DSCAM: variants seen among roughly 807,000 people sequenced by gnomAD.
The protein encoded by DSCAM is DS cell adhesion molecule, also known as cell adhesion molecule DSCAM.
A neutral mutation model predicts 217.7 loss-of-function variants in DSCAM; 47 were observed. The ratio of observed to expected loss-of-function variants is 0.22; its 90% CI spans 0.17 to 0.28. DSCAM has a LOEUF of 0.28. Among genes scored for constraint, DSCAM ranks in the 10% least tolerant of loss-of-function variants. The probability of loss-of-function intolerance (pLI) is 1.00; values close to 1 mark genes in which losing one functional copy is unlikely to be tolerated. For synonymous variants in DSCAM, 1,056 were observed against 1,015.3 expected (o/e 1.04, Z -0.76); for missense variants, 2,080 against 2,618.3 (o/e 0.79, Z 4.49).
At chr21:40,402,970 C>T (rs896131299) in intron 3 of DSCAM, among the ~76,000 whole-genome samples, 13 of 90,114 alleles carry the variant, frequency 1.4e-4, no homozygotes, top group Non-Finnish European at 2.7e-4. Context: ...CAAGATTATA[C>T]CCCCCCACCC....
intron 18 of DSCAM, among the ~76,000 whole-genome samples, chr21:40,138,461 G>C (rs2090240982): frequency 6.7e-6 from 1 of 148,598 alleles, no homozygotes; most frequent in African/African-American, 2.5e-5. Context: ...TGTATGTGTG[G>C]TGTAGTGTGT....
intron 3 of DSCAM, among the ~76,000 whole-genome samples, chr21:40,461,586 C>A (rs1413523373): frequency 6.6e-6 from 1 of 152,064 alleles, no homozygotes; most frequent in African/African-American, 2.4e-5. Flanking sequence ...ATGTCCCAAT[C>A]CCCCCACAAA....
intron 1 of DSCAM, among the ~76,000 whole-genome samples, chr21:40,804,066 GTC>G (rs3071034): frequency 0.22 from 32,835 of 151,940 alleles, 4,705 homozygotes; most frequent in African/African-American, 0.41. Flanking sequence ...TCAGCACCAA[GTC>G]TGTAAACACT....
At chr21:40,748,627 AAAT>A (rs2091197853) in intron 1 of DSCAM, among the ~76,000 whole-genome samples, 1 of 152,210 alleles carries the variant, frequency 6.6e-6, no homozygotes, top group Admixed American at 6.5e-5. Flanking sequence ...TCATGGACTG[AAAT>A]AATGTTTAAA....
chr21:40,683,090 A>T (rs1054644408), intron 3 of DSCAM, among the ~76,000 whole-genome samples: 2 of 152,210 alleles, frequency 1.3e-5, no homozygotes, highest in African/African-American at 2.4e-5. Context: ...CCATGCTGGC[A>T]GCCTGATCTC....
intron 18 of DSCAM, among the ~76,000 whole-genome samples, chr21:40,140,135 C>T (rs947633409): frequency 4.6e-5 from 7 of 151,998 alleles, no homozygotes; most frequent in Admixed American, 1.3e-4. Flanking sequence ...CCAGTAGCCC[C>T]GTGAACTGAC....
At position 40,773,164 on chromosome 21, in the gene DSCAM, G is replaced by A. The variant is rs1462303738; in HGVS notation, c.44-64393C>T. Among the ~76,000 whole-genome samples the A allele has an allele frequency of 2.6e-5, 4 of 152,254 alleles. No individual in the cohort carries two copies. The East Asian group carries it at 5.8e-4, about 22-fold the overall frequency. ...CCAATCCTTCATCAGTCCCTCGCAC[G>A]AGAACCCCCTTCTCAGGTTCTACTT... On this transcript the variant is annotated intron_variant, in intron 1 of 32. Coordinates refer to ENST00000400454, the MANE Select transcript of DSCAM (RefSeq NM_001389.5).
At chr21:40,109,126 C>A (rs552040816) in intron 20 of DSCAM, among the ~76,000 whole-genome samples, 2 of 152,082 alleles carry the variant, frequency 1.3e-5, no homozygotes, top group South Asian at 2.1e-4. Context: ...AAAAGCAATT[C>A]GCAACAACAA....
At chr21:40,690,427 T>TA (rs1468601540) in intron 3 of DSCAM, among the ~76,000 whole-genome samples, 1 of 152,232 alleles carries the variant, frequency 6.6e-6, no homozygotes, top group African/African-American at 2.4e-5. Flanking sequence ...GTGATTTACT[T>TA]ACAAACCAAC....
chr21:40,698,351 G>A (rs1389319121), intron 2 of DSCAM, among the ~76,000 whole-genome samples: 1 of 152,148 alleles, frequency 6.6e-6, no homozygotes. Context: ...CCCATAAAAG[G>A]GAAGAAAGTT....
At chr21:40,214,386 G>C (rs16999507) in intron 11 of DSCAM, among the ~76,000 whole-genome samples, 9,850 of 152,236 alleles carry the variant, frequency 0.065, 541 homozygotes, top group African/African-American at 0.14. Context: ...TATAAAGAAA[G>C]ATTCTGTGCT....
rs2075430317 is a variant in DSCAM, at chr21:40,422,103, T to TG, written c.509-52859dup. ...CTGATGCATGTCCTGCTCATGCCCATGGCAGACATTGCTAATCAATTACTA... is the reference window on the plus strand; with the variant it reads ...CTGATGCATGTCCTGCTCATGCCCATGGGCAGACATTGCTAATCAATTACTA... On this transcript the variant is annotated intron_variant, in intron 3 of 32. Coordinates refer to ENST00000400454, the MANE Select transcript of DSCAM (RefSeq NM_001389.5). Among the ~76,000 whole-genome samples, 3 of 152,360 alleles carry TG rather than the reference T, an allele frequency of 2.0e-5. No individual in the cohort carries two copies. The South Asian group carries it at 6.2e-4, about 32-fold the overall frequency.
chr21:40,700,872 G>A (rs1485121651), intron 2 of DSCAM, among the ~76,000 whole-genome samples: 1 of 151,872 alleles, frequency 6.6e-6, no homozygotes, highest in Admixed American at 6.6e-5. Context: ...AAGTAGCTGG[G>A]ACTAAAGGCA....
intron 3 of DSCAM, among the ~76,000 whole-genome samples, chr21:40,435,609 T>C (rs1195464114): frequency 6.6e-6 from 1 of 151,508 alleles, no homozygotes; most frequent in Non-Finnish European, 1.5e-5. Flanking sequence ...GCATATCCAA[T>C]TGCTCTTGTA....
intron 20 of DSCAM, among the ~76,000 whole-genome samples, chr21:40,112,097 A>G (rs1444472963): frequency 6.7e-6 from 1 of 149,632 alleles, no homozygotes; most frequent in African/African-American, 2.4e-5. Context: ...CTCCACCCCA[A>G]ATCAACAGAA....
chr21:40,187,024 G>T, intron 14 of DSCAM, 107 bp downstream of exon 14: 1 of 1,388,230 alleles, frequency 7.2e-7, no homozygotes, highest in Non-Finnish European at 9.7e-7. Context: ...TGCCCTCTGA[G>T]CTCCTGTGAG....
chr21:40,124,133 C>T (rs531556206), intron 20 of DSCAM, 62 bp downstream of exon 20: 20 of 1,606,166 alleles, frequency 1.2e-5, no homozygotes, highest in African/African-American at 6.7e-5. Flanking sequence ...CTGTCCAGTG[C>T]GAGCACCTGC....
chr21:40,015,628 G>C (rs994693333), intron 32 of DSCAM, among the ~76,000 whole-genome samples: 9 of 151,964 alleles, frequency 5.9e-5, no homozygotes, highest in South Asian at 4.1e-4. Context: ...GGAGACACAG[G>C]GTCTTGCTTG....
intron 1 of DSCAM, among the ~76,000 whole-genome samples, chr21:40,793,970 T>A (rs2123474036): frequency 6.6e-6 from 1 of 152,330 alleles, no homozygotes; most frequent in Non-Finnish European, 1.5e-5. Flanking sequence ...GTGGTTAGTA[T>A]TTTGCGTTTC....
Sources: gnomAD v4.1 joint callset for allele counts (sites outside exome capture counted in the v4.1 genomes callset) on GRCh38, gnomAD v4.1.1 for gene constraint, MANE v1.5 for transcripts, NCBI Gene and HGNC (gene_info 2026-07-23, HGNC 2026-07-21) for gene names.